The following VPS50 variants were observed in gnomAD, a reference collection of about 807,000 sequenced individuals.
VPS50 encodes the protein syndetin.
Under a neutral mutation model 139.7 loss-of-function variants are expected in VPS50, and 70 were observed. That is an observed-to-expected ratio of 0.50 (90% CI 0.41 to 0.61). The LOEUF (loss-of-function observed/expected upper bound fraction) is 0.61. Ranked by LOEUF, VPS50 falls within the 20% of genes least tolerant of loss-of-function variation. The pLI, the probability that VPS50 is intolerant of heterozygous loss-of-function variation, is 0.00. For missense variants in VPS50, 921 were observed against 1,133.7 expected, an observed-to-expected ratio of 0.81 and a Z score of 2.69; for synonymous variants, 365 against 376.7, an observed-to-expected ratio of 0.97 and a Z score of 0.36.
chr7:93,271,214 T>G lies in VPS50; in HGVS notation c.660-6T>G, dbSNP rs76003785. On this transcript the variant is annotated splice_region_variant and splice_polypyrimidine_tract_variant and intron_variant, in intron 9 of 27. Coordinates refer to ENST00000305866, the MANE Select transcript of VPS50 (RefSeq NM_017667.4). The stretch of plus-strand genomic sequence containing the variant: ...AGAAAAAAACTGTTTTTTTTTTTTT[T>G]AATAGTGAACTGAATTCAAAGCTGC... 6.4e-7 allele frequency: 1 copy of G among 1,566,942 alleles called. No individual in the cohort carries two copies. Among genetic ancestry groups the G allele is most frequent in the Non-Finnish European group, 8.6e-7 (1 of 1,162,758 alleles).
intron 1 of VPS50, among the ~76,000 whole-genome samples, chr7:93,235,890 A>G (rs1290955620): frequency 6.6e-6 from 1 of 152,234 alleles, no homozygotes; most frequent in Non-Finnish European, 1.5e-5. Flanking sequence ...AAACTGGTTA[A>G]GATCACCAGT....
At chr7:93,306,571 T>A (rs1348192953) in intron 18 of VPS50, among the ~76,000 whole-genome samples, 2 of 151,938 alleles carry the variant, frequency 1.3e-5, no homozygotes, top group Non-Finnish European at 2.9e-5. Context: ...AAATAATGAA[T>A]ATCATCTTTA....
At position 93,356,165 on chromosome 7, in the gene VPS50, A is replaced by G; in HGVS notation, c.2775+85A>G. The G allele has an allele frequency of 4.6e-6, 3 of 646,122 alleles. No individual in the cohort carries two copies. In the South Asian group the frequency reaches 1.0e-4, roughly 22 times the overall value. The allele number at this position is 646,122 out of a possible 1,614,324, so 40.0% of individuals were successfully genotyped here. ...TGGGTGTGTTATTTAATTCAAAATC[A>G]TGAGAGTGAAATATAAAGAAACATT... On this transcript the variant is annotated intron_variant, in intron 27 of 27. Transcript: ENST00000305866.
At chr7:93,241,648 G>A (rs1219171180) in intron 2 of VPS50, among the ~76,000 whole-genome samples, 1 of 151,998 alleles carries the variant, frequency 6.6e-6, no homozygotes, top group Non-Finnish European at 1.5e-5. Context: ...GAACATGAGA[G>A]TTGCTGGGTC....
intron 12 of VPS50, 122 bp downstream of exon 12, chr7:93,276,427 A>C (rs1796156745): frequency 1.5e-6 from 2 of 1,333,262 alleles, no homozygotes; most frequent in Admixed American, 3.0e-5. Flanking sequence ...CTTTGCCAAA[A>C]ATTTTTTTTC....
At chr7:93,256,742 A>C (rs1290673197) in intron 5 of VPS50, among the ~76,000 whole-genome samples, 180 bp downstream of exon 5, 1 of 152,062 alleles carries the variant, frequency 6.6e-6, no homozygotes, top group Non-Finnish European at 1.5e-5. Flanking sequence ...GGGGTAATTT[A>C]CCAAACTGAA....
chr7:93,260,120 A>G (rs1020571169), intron 9 of VPS50, among the ~76,000 whole-genome samples: 1 of 152,210 alleles, frequency 6.6e-6, no homozygotes, highest in African/African-American at 2.4e-5. Flanking sequence ...TAGTTAAGTG[A>G]TTATGTATTC....
intron 23 of VPS50, among the ~76,000 whole-genome samples, chr7:93,343,930 A>G (rs950343007): frequency 3.3e-5 from 5 of 152,356 alleles, no homozygotes; most frequent in South Asian, 2.1e-4. Context: ...ACTAACGAGC[A>G]AAATAACCAG....
chr7:93,330,030 T>C (rs1420500211), intron 21 of VPS50, among the ~76,000 whole-genome samples: 1 of 152,164 alleles, frequency 6.6e-6, no homozygotes, highest in African/African-American at 2.4e-5. Context: ...CCACTTTCTT[T>C]ATAAACCATA....
chr7:93,258,230 A>G lies in VPS50; in HGVS notation c.494A>G (p.Gln165Arg), dbSNP rs1462785859. The G allele has an allele frequency of 6.2e-7, 1 of 1,601,616 alleles. No homozygotes were observed. The highest frequency in any genetic ancestry group is 1.7e-5 in the Admixed American group (1 of 59,952). The change falls in exon 7 of 28, where the codon CAG becomes CGG. Residue 165 changes from glutamine to arginine, a missense_variant. This residue lies in a region of VPS50 where 744 missense variants were observed against 930.6 expected (regional missense o/e 0.80). Coordinates refer to ENST00000305866, the MANE Select transcript of VPS50 (RefSeq NM_017667.4). ...CTTCTTGCAAATCAAAGGAAACGTCAGTTGCTGATTGGACTTCTGAAATCT... is the reference window on the plus strand; with the variant it reads ...CTTCTTGCAAATCAAAGGAAACGTCGGTTGCTGATTGGACTTCTGAAATCT... ...LGLLANQRKR[Q>R]LLIGLLKSLR... is the part of the protein sequence containing the mutation.
chr7:93,265,715 C>A (rs1281463668), intron 9 of VPS50, among the ~76,000 whole-genome samples: 1 of 152,088 alleles, frequency 6.6e-6, no homozygotes, highest in African/African-American at 2.4e-5. Flanking sequence ...CAGGCACACG[C>A]CACTACACCC....
chr7:93,257,562 G>A (rs1795525077), intron 6 of VPS50, 98 bp downstream of exon 6: 3 of 669,402 alleles, frequency 4.5e-6, no homozygotes, highest in African/African-American at 3.7e-5. Flanking sequence ...AATTATGGAT[G>A]TGGTTTCTAG....
At chr7:93,313,476 G>A (rs946791476) in intron 20 of VPS50, among the ~76,000 whole-genome samples, 1 of 152,176 alleles carries the variant, frequency 6.6e-6, no homozygotes, top group Non-Finnish European at 1.5e-5. Flanking sequence ...AAGTTGAAGA[G>A]TGGGCACATC....
At chr7:93,271,772 A>G (rs1368714866) in intron 10 of VPS50, among the ~76,000 whole-genome samples, 1 of 151,764 alleles carries the variant, frequency 6.6e-6, no homozygotes, top group East Asian at 1.9e-4. Flanking sequence ...TTCAAAATTC[A>G]TCTCTTTCCT....
intron 1 of VPS50, among the ~76,000 whole-genome samples, chr7:93,237,734 T>C (rs183287979): frequency 3.3e-5 from 5 of 152,360 alleles, no homozygotes; most frequent in African/African-American, 7.2e-5. Flanking sequence ...TTTCCACTTA[T>C]AATGGGTTTA....
chr7:93,248,941 A>G (rs1334253457), intron 2 of VPS50, among the ~76,000 whole-genome samples: 1 of 152,174 alleles, frequency 6.6e-6, no homozygotes, highest in Non-Finnish European at 1.5e-5. Context: ...AGGATATTTT[A>G]TAGGGAAATA....
Position 93,355,121 on chromosome 7 carries a change from A to T in VPS50, c.2586-770A>T, listed in dbSNP as rs201156925. ...CTTCTGTATAAAATACTCTTTTTTAAAAAAAAAAAAAAAAGCTTGGTCATT... is the reference window on the plus strand; with the variant it reads ...CTTCTGTATAAAATACTCTTTTTTATAAAAAAAAAAAAAAGCTTGGTCATT... On this transcript the variant is annotated intron_variant, in intron 26 of 27. Coordinates refer to ENST00000305866, the MANE Select transcript of VPS50 (RefSeq NM_017667.4). Among the ~76,000 whole-genome samples, 505 of 128,026 alleles carry T rather than the reference A, an allele frequency of 3.9e-3. 2 individuals are homozygous for T. Among genetic ancestry groups the T allele is most frequent in the East Asian group, 0.021 (55 of 2,672 alleles). The allele number at this position is 128,026 out of a possible 152,430, so 84.0% of individuals were successfully genotyped here. A position where few individuals can be genotyped will look rare whatever the true frequency, so the allele number is the denominator to read the frequency against.
At chr7:93,306,826 A>G (rs533443696) in intron 18 of VPS50, among the ~76,000 whole-genome samples, 2 of 152,040 alleles carry the variant, frequency 1.3e-5, no homozygotes, top group East Asian at 3.9e-4. Flanking sequence ...GTGACAAAAT[A>G]TGTTGAAGGA....
rs1412051558 is a variant in VPS50 at position 93,334,142 on chromosome 7, G to A, written c.2003G>A (p.Ser668Asn). The change falls in exon 22 of 28, where the codon AGT becomes AAT. Residue 668 changes from serine (S) to asparagine (N), a missense_variant. Physicochemically the swap from Ser to Asn is conservative, Grantham distance 46. This residue lies in a region of VPS50 where 744 missense variants were observed against 930.6 expected (regional missense o/e 0.80). Coordinates refer to ENST00000305866, the MANE Select transcript of VPS50 (RefSeq NM_017667.4). ...TTGGAATCAACTGGACTCGGCCTTA[G>A]TAGTAGTAGACTAAGAACAACTCTA... ...DSLESTGLGLSSSRLRTTLNR... is the reference protein window; with the variant it reads ...DSLESTGLGLNSSRLRTTLNR... 1.3e-6 allele frequency: 2 copies of A among 1,598,180 alleles called. No individual in the cohort carries two copies. Among genetic ancestry groups the A allele is most frequent in the East Asian group, 2.2e-5 (1 of 44,638 alleles).
Sources: allele counts gnomAD v4.1 joint callset (sites outside exome capture counted in the v4.1 genomes callset), GRCh38; gene constraint gnomAD v4.1.1; regional missense constraint gnomAD v4.1.1; transcripts MANE v1.5; gene names NCBI Gene and HGNC (gene_info 2026-07-23, HGNC 2026-07-21).